Variants in DGKE observed in about 807,000 individuals in gnomAD.
The protein encoded by DGKE is DAG kinase epsilon.
A neutral mutation model predicts 70.0 loss-of-function variants in DGKE; 53 were observed. The ratio of observed to expected loss-of-function variants is 0.76; its 90% CI spans 0.61 to 0.95. The LOEUF (loss-of-function observed/expected upper bound fraction) is 0.95. DGKE is among the 40% of genes least tolerant of loss of function. The pLI is 0.00. For synonymous variants in DGKE, 291 were observed against 257.0 expected, an observed-to-expected ratio of 1.13 and a Z score of -1.27; for missense variants, 655 against 706.9, an observed-to-expected ratio of 0.93 and a Z score of 0.83.
chr17:56,869,488 C>A lies in DGKE; in HGVS notation c.*6697C>A, dbSNP rs1341995619. The stretch of plus-strand genomic sequence containing the variant: ...TATTAGGCATTAGAGGAAGAATATT[C>A]TGTAGTCCTGCTTTATTCTGCCATC... On this transcript the variant is annotated 3_prime_UTR_variant, in exon 12 of 12. Coordinates refer to ENST00000284061, the MANE Select transcript of DGKE (RefSeq NM_003647.3). 6.6e-6 allele frequency: 1 copy of A among 152,148 alleles called. No homozygotes were observed. The highest frequency in any genetic ancestry group is 2.4e-5 in the African/African-American group (1 of 41,432). The allele number at this position is 152,148 out of a possible 1,614,324, so 9.4% of individuals were successfully genotyped here.
rs1908660589 is a variant in DGKE at position 56,869,376 on chromosome 17, C to T, written c.*6585C>T. 6.6e-6 allele frequency: 1 copy of T among 152,190 alleles called. No homozygotes were observed. The highest frequency in any genetic ancestry group is 6.5e-5 in the Admixed American group (1 of 15,280). The allele number at this position is 152,190 out of a possible 1,614,324, so 9.4% of individuals were successfully genotyped here. On this transcript the variant is annotated 3_prime_UTR_variant, in exon 12 of 12. Coordinates refer to ENST00000284061, the MANE Select transcript of DGKE (RefSeq NM_003647.3). ...TATGCATGGCAGAACTGTGTGTTTC[C>T]TTCCATCTGGATTTTCATAAAGCTT... is the stretch of plus-strand genomic sequence containing the variant.
intron 6 of DGKE, 115 bp from the exon 7 acceptor site, chr17:56,849,066 T>A: frequency 8.3e-7 from 1 of 1,207,406 alleles, no homozygotes; most frequent in Non-Finnish European, 1.2e-6. Flanking sequence ...CATGCTCATA[T>A]ACGTGTGGTT....
At position 56,864,672 on chromosome 17, in the gene DGKE, GAC is replaced by G. The variant is rs1329838657; in HGVS notation, c.*1883_*1884del. 6.6e-6 allele frequency: 1 copy of G among 150,620 alleles called. No homozygotes were observed. The highest frequency in any genetic ancestry group is 1.5e-5 in the Non-Finnish European group (1 of 67,816). 9.3% of individuals were successfully genotyped at this position (150,620 alleles called of 1,614,324 possible). On this transcript the variant is annotated 3_prime_UTR_variant, in exon 12 of 12. Transcript: ENST00000284061. ...TTCATTCATGATCAAAATTGTTAAAGACATCACATTTTATAAATACACTGTTA... is the reference window on the plus strand; with the variant it reads ...TTCATTCATGATCAAAATTGTTAAAGATCACATTTTATAAATACACTGTTA...
intron 2 of DGKE, among the ~76,000 whole-genome samples, chr17:56,837,307 C>A (rs1448277950): frequency 6.6e-6 from 1 of 151,996 alleles, no homozygotes; most frequent in Non-Finnish European, 1.5e-5. Flanking sequence ...ACAGGCCCTA[C>A]AGGTCCTTCT....
intron 11 of DGKE, 42 bp from the exon 12 acceptor site, chr17:56,862,569 TG>T: frequency 3.4e-6 from 5 of 1,449,742 alleles, no homozygotes; most frequent in Non-Finnish European, 3.6e-6. Context: ...TTTCTAAATT[TG>T]GGGGGACTGA....
At chr17:56,841,038 C>T (rs1022966799) in intron 2 of DGKE, among the ~76,000 whole-genome samples, 1 of 151,792 alleles carries the variant, frequency 6.6e-6, no homozygotes, top group Admixed American at 6.6e-5. Context: ...CTGATGAGGT[C>T]GGGAGTTTTT....
chr17:56,847,338 C>CATTTTTT (rs1907346859), intron 4 of DGKE: 1 of 142,796 alleles, frequency 7.0e-6, no homozygotes, highest in Non-Finnish European at 1.5e-5. Flanking sequence ...TAAACTATAA[C>CATTTTTT]TTTTTTTTTT....
Position 56,844,098 on chromosome 17 carries a change from T to C in DGKE, c.544T>C (p.Phe182Leu). 6.3e-7 allele frequency: 1 copy of C among 1,584,504 alleles called. No individual in the cohort carries two copies. The highest frequency in any genetic ancestry group is 1.2e-5 in the South Asian group (1 of 85,692). Residue 182 changes from phenylalanine (F) to leucine (L), a missense_variant, in exon 3 of 12, where the codon TTC (phenylalanine) becomes CTC (leucine). Coordinates refer to ENST00000284061, the MANE Select transcript of DGKE (RefSeq NM_003647.3). ...GAATGAAAAATGTGATTTTGGAGAA[T>C]TCAAAAACCTAATCATTCCACCAAG... ...LKNEKCDFGEFKNLIIPPSYL... is the reference protein window; with the variant it reads ...LKNEKCDFGELKNLIIPPSYL...
intron 3 of DGKE, among the ~76,000 whole-genome samples, chr17:56,845,367 T>G (rs1359302415): frequency 1.3e-5 from 2 of 152,172 alleles, no homozygotes; most frequent in African/African-American, 4.8e-5. Flanking sequence ...TCAACTCAGT[T>G]TAAGTCCAAA....
At position 56,862,012 on chromosome 17, in the gene DGKE, T is replaced by A. The variant is rs1908323360; in HGVS notation, c.1412+94T>A. Reference sequence around the variant, plus strand: ...TTAACATTTTTCCTCAAATTTTCTTTTTTGTGTATCTCATTAGTTATAAAT... The same window carrying A: ...TTAACATTTTTCCTCAAATTTTCTTATTTGTGTATCTCATTAGTTATAAAT... On this transcript the variant is annotated intron_variant, in intron 10 of 11. Transcript: ENST00000284061. 3 of 1,532,226 alleles carry A rather than the reference T, an allele frequency of 2.0e-6. No homozygotes were observed. The South Asian group carries it at 3.9e-5, about 20-fold the overall frequency. 94.9% of individuals were successfully genotyped at this position (1,532,226 alleles called of 1,614,324 possible). A position where few individuals can be genotyped will look rare whatever the true frequency, so the allele number is the denominator to read the frequency against.
chr17:56,855,874 C>T (rs1041312297), intron 7 of DGKE, among the ~76,000 whole-genome samples: 5 of 151,764 alleles, frequency 3.3e-5, no homozygotes, highest in African/African-American at 1.2e-4. Flanking sequence ...AGCATGGTGG[C>T]GGGCGCCTGT....
intron 11 of DGKE, 25 bp from the exon 12 acceptor site, chr17:56,862,587 A>C: frequency 6.7e-7 from 1 of 1,482,216 alleles, no homozygotes; most frequent in Non-Finnish European, 8.9e-7. Context: ...CTGACTTTTA[A>C]ACATTATTTG....
intron 1 of DGKE, 28 bp from the exon 2 acceptor site, chr17:56,834,750 G>T: frequency 6.5e-7 from 1 of 1,534,242 alleles, no homozygotes; most frequent in Non-Finnish European, 8.8e-7. Flanking sequence ...CGAGCTCGGG[G>T]TGCACCGCCT....
chr17:56,860,365 T>G (rs563142205), intron 9 of DGKE, among the ~76,000 whole-genome samples: 145 of 152,198 alleles, frequency 9.5e-4, no homozygotes, highest in Non-Finnish European at 1.7e-3. Context: ...GACTCCACTT[T>G]TATAAAAAAT....
At chr17:56,853,416 G>C (rs1030371954) in intron 7 of DGKE, among the ~76,000 whole-genome samples, 1 of 152,068 alleles carries the variant, frequency 6.6e-6, no homozygotes, top group Admixed American at 6.5e-5. Context: ...TTTTCCTTTA[G>C]TACTTTTATA....
chr17:56,842,900 A>T (rs1037756205), intron 2 of DGKE, among the ~76,000 whole-genome samples: 1 of 152,220 alleles, frequency 6.6e-6, no homozygotes, highest in African/African-American at 2.4e-5. Flanking sequence ...TTGTTTTACC[A>T]ATTGGGTCCA....
chr17:56,858,530 T>G lies in DGKE; in HGVS notation c.1213-64T>G, dbSNP rs1908088162. 4 of 1,369,660 alleles carry G rather than the reference T, an allele frequency of 2.9e-6. No individual in the cohort carries two copies. The Admixed American group carries it at 9.0e-5, about 31-fold the overall frequency. The allele number at this position is 1,369,660 out of a possible 1,614,324, so 84.8% of individuals were successfully genotyped here. Reference sequence around the variant, plus strand: ...TTAAAGGGAGCTTTGATACAGCGTATTTTTTCTTATTGTTTACAGGGTTAG... The same window carrying G: ...TTAAAGGGAGCTTTGATACAGCGTAGTTTTTCTTATTGTTTACAGGGTTAG... On this transcript the variant is annotated intron_variant, in intron 8 of 11. Transcript: ENST00000284061.
At chr17:56,855,963 G>A (rs919589865) in intron 7 of DGKE, among the ~76,000 whole-genome samples, 4 of 143,868 alleles carry the variant, frequency 2.8e-5, no homozygotes, top group Admixed American at 7.4e-5. Context: ...CCGAGATCGC[G>A]CCACTGCATT....
intron 2 of DGKE, among the ~76,000 whole-genome samples, chr17:56,836,715 C>T (rs1051281139): frequency 6.6e-6 from 1 of 152,194 alleles, no homozygotes; most frequent in Non-Finnish European, 1.5e-5. Context: ...GTGTAAACCC[C>T]TAAGTGCTTT....
Sources: gnomAD v4.1 joint callset for allele counts (sites outside exome capture counted in the v4.1 genomes callset) on GRCh38, gnomAD v4.1.1 for gene constraint, MANE v1.5 for transcripts, NCBI Gene and HGNC (gene_info 2026-07-23, HGNC 2026-07-21) for gene names.